BPNT1: variants seen among roughly 807,000 people sequenced by gnomAD.
The protein encoded by BPNT1 is 3'(2'),5'-bisphosphate nucleotidase 1.
In BPNT1, 28 loss-of-function variants were observed where a neutral mutation model predicts 36.9. The ratio of observed to expected loss-of-function variants is 0.76; its 90% confidence interval spans 0.56 to 1.04. The LOEUF (loss-of-function observed/expected upper bound fraction) is 1.04. BPNT1 is among the 50% of genes least tolerant of loss of function. The pLI, the probability that BPNT1 is intolerant of heterozygous loss-of-function variation, is 0.00. For missense variants in BPNT1, 313 were observed against 372.9 expected (o/e 0.84, Z 1.32); for synonymous variants, 119 against 130.9 (o/e 0.91, Z 0.62).
intron 2 of BPNT1, among the ~76,000 whole-genome samples, chr1:220,075,199 A>G (rs1664435707): frequency 6.6e-6 from 1 of 152,102 alleles, no homozygotes; most frequent in African/African-American, 2.4e-5. Flanking sequence ...GTCCCCCACC[A>G]TGCCTGGCTA....
At chr1:220,087,554 G>A (rs946788872) in intron 1 of BPNT1, among the ~76,000 whole-genome samples, 6 of 152,102 alleles carry the variant, frequency 3.9e-5, no homozygotes, top group East Asian at 1.9e-4. Context: ...GCGAGATTCC[G>A]TCTCAAAATC....
intron 2 of BPNT1, among the ~76,000 whole-genome samples, chr1:220,076,794 T>C (rs1291974089): frequency 6.6e-6 from 1 of 151,844 alleles, no homozygotes; most frequent in Non-Finnish European, 1.5e-5. Flanking sequence ...ATGTCTGTAG[T>C]CAACTAAAAT....
intron 6 of BPNT1, among the ~76,000 whole-genome samples, chr1:220,064,197 A>T (rs992349514): frequency 1.3e-5 from 2 of 152,210 alleles, no homozygotes; most frequent in Non-Finnish European, 2.9e-5. Flanking sequence ...ACAACCAAAG[A>T]TTGGCTCATC....
rs1452645227 is a variant in BPNT1, at chr1:220,062,894, C to G, written c.535G>C (p.Gly179Arg). 1 of 1,614,126 alleles carries G rather than the reference C, an allele frequency of 6.2e-7. No individual in the cohort carries two copies. The highest frequency in any genetic ancestry group is 1.3e-5 in the African/African-American group (1 of 75,036). The change falls in exon 7 of 9, where the codon GGG becomes CGG. Residue 179 changes from glycine to arginine, a missense_variant. Physicochemically the swap from Gly to Arg is moderately radical, Grantham distance 125. Coordinates refer to ENST00000322067, the MANE Select transcript of BPNT1 (RefSeq NM_006085.6). ...GCAGGGACTTCTTTCAGCTGAAACC[C>G]AAAGGCGCCTAAACCTAAAACTCCC... ...IWGVLGLGAF[G>R]FQLKEVPAGK... is the part of the protein sequence containing the mutation.
At chr1:220,074,831 T>C (rs1664399417) in intron 2 of BPNT1, among the ~76,000 whole-genome samples, 1 of 152,116 alleles carries the variant, frequency 6.6e-6, no homozygotes, top group South Asian at 2.1e-4. Context: ...AAAACACGAA[T>C]ATGAACTGCT....
chr1:220,084,603 A>G (rs895219761), intron 1 of BPNT1, among the ~76,000 whole-genome samples: 2 of 152,174 alleles, frequency 1.3e-5, no homozygotes, highest in African/African-American at 4.8e-5. Flanking sequence ...GTGTTGTTAT[A>G]ACTTTTCATA....
At chr1:220,074,793 C>A (rs1285183382) in intron 2 of BPNT1, among the ~76,000 whole-genome samples, 2 of 152,048 alleles carry the variant, frequency 1.3e-5, no homozygotes, top group Non-Finnish European at 1.5e-5. Context: ...CATGCCCGGC[C>A]TAAGAAATCC....
intron 1 of BPNT1, among the ~76,000 whole-genome samples, chr1:220,088,881 C>T (rs1263990231): frequency 6.6e-6 from 1 of 151,036 alleles, no homozygotes; most frequent in African/African-American, 2.4e-5. Flanking sequence ...GGGCAGATCA[C>T]GAGGTCAGGA....
intron 1 of BPNT1, among the ~76,000 whole-genome samples, chr1:220,084,206 C>A (rs1655497435): frequency 6.6e-6 from 1 of 151,858 alleles, no homozygotes; most frequent in South Asian, 2.1e-4. Context: ...GTGGTGGGCA[C>A]CTGTAGTCCC....
In BPNT1 at chr1:220,077,845, T is replaced by C. The variant is rs538711292; in HGVS notation, c.120+1882A>G. ...TGTTCTCACTTGGAAGAAATTACAA[T>C]ACACTTTTCCTTAAAGGCTATAATA... On this transcript the variant is annotated intron_variant, in intron 2 of 8. Transcript: ENST00000322067. Among the ~76,000 whole-genome samples, 21 of 152,240 alleles carry C rather than the reference T, an allele frequency of 1.4e-4. No individual in the cohort carries two copies. The East Asian group carries it at 4.1e-3, about 29-fold the overall frequency.
Position 220,074,009 on chromosome 1 carries a change from T to G in BPNT1, c.183A>C (p.Ser61=), listed in dbSNP as rs770771610. ...DRLAQMSICS[S]LARKFPKLTI... is the part of the protein sequence containing the mutation. Reference sequence around the variant, plus strand: ...TGAGTTTGGGGAATTTCCGGGCCAATGAAGAACATATGCTCATCTGTGCCA... The same window carrying G: ...TGAGTTTGGGGAATTTCCGGGCCAAGGAAGAACATATGCTCATCTGTGCCA... Residue 61 remains serine, a synonymous_variant, in exon 3 of 9, where the codon TCA becomes TCC. Transcript: ENST00000322067. 8.7e-6 allele frequency: 14 copies of G among 1,614,172 alleles called. No homozygotes were observed. Among genetic ancestry groups the G allele is most frequent in the Non-Finnish European group, 1.2e-5 (14 of 1,180,026 alleles).
chr1:220,075,134 C>T (rs1375968657), intron 2 of BPNT1, among the ~76,000 whole-genome samples: 2 of 152,150 alleles, frequency 1.3e-5, no homozygotes, highest in Non-Finnish European at 2.9e-5. Flanking sequence ...ACCTTTGCCT[C>T]TCTGCTTCAA....
chr1:220,078,165 T>C (rs1664725735), intron 2 of BPNT1, among the ~76,000 whole-genome samples: 1 of 142,352 alleles, frequency 7.0e-6, no homozygotes, highest in Non-Finnish European at 1.5e-5. Flanking sequence ...TGGGCAACAA[T>C]GTGAGTGAGA....
chr1:220,063,615 G>GTCCC (rs1400027566), intron 6 of BPNT1, among the ~76,000 whole-genome samples: 6 of 152,162 alleles, frequency 3.9e-5, no homozygotes, highest in African/African-American at 1.4e-4. Context: ...CCCAGGAAAT[G>GTCCC]AAATACCATG....
chr1:220,062,480 T>A (rs1306251942), intron 7 of BPNT1, among the ~76,000 whole-genome samples: 6 of 152,124 alleles, frequency 3.9e-5, no homozygotes, highest in Non-Finnish European at 8.8e-5. Flanking sequence ...AACTCATCAT[T>A]TTTTATGGCT....
intron 1 of BPNT1, among the ~76,000 whole-genome samples, chr1:220,082,217 G>T (rs1655244217): frequency 1.3e-5 from 2 of 149,296 alleles, no homozygotes; most frequent in Non-Finnish European, 1.5e-5. Flanking sequence ...GTCTTGCTCT[G>T]TCGCCCAGGC....
chr1:220,075,349 A>G (rs1265607993), intron 2 of BPNT1, among the ~76,000 whole-genome samples: 1 of 152,150 alleles, frequency 6.6e-6, no homozygotes, highest in African/African-American at 2.4e-5. Context: ...GCCTCATCTT[A>G]GTAGAATTTT....
intron 2 of BPNT1, among the ~76,000 whole-genome samples, chr1:220,078,406 AATAATTT>A (rs1664770373): frequency 7.0e-6 from 1 of 142,898 alleles, no homozygotes; most frequent in African/African-American, 2.5e-5. Flanking sequence ...ATATATAAAT[AATAATTT>A]ATAATAATAA....
intron 2 of BPNT1, among the ~76,000 whole-genome samples, chr1:220,077,234 A>T (rs1349385886): frequency 2.0e-5 from 3 of 152,164 alleles, no homozygotes; most frequent in Non-Finnish European, 1.5e-5. Context: ...TGTTGTCTAT[A>T]TAACTAAAAA....
Sources: allele counts gnomAD v4.1 joint callset (sites outside exome capture counted in the v4.1 genomes callset), GRCh38; gene constraint gnomAD v4.1.1; transcripts MANE v1.5; gene names NCBI Gene and HGNC (gene_info 2026-07-23, HGNC 2026-07-21).